Variants in SOX6 observed in about 807,000 individuals in gnomAD.
SOX6 encodes the protein transcription factor SOX-6.
A neutral mutation model predicts 97.8 loss-of-function variants in SOX6; 11 were observed. That is an observed-to-expected ratio of 0.11 (90% confidence interval 0.07 to 0.19). The LOEUF (loss-of-function observed/expected upper bound fraction) is 0.19. Among genes scored for constraint, SOX6 ranks in the 10% least tolerant of loss-of-function variants. SOX6 has a pLI of 1.00. For missense variants in SOX6, 810 were observed against 1,039.5 expected (o/e 0.78, Z 3.04); for synonymous variants, 360 against 371.4 (o/e 0.97, Z 0.35).
intron 9 of SOX6, among the ~76,000 whole-genome samples, chr11:16,070,778 G>T (rs534323008): frequency 2.1e-4 from 32 of 151,876 alleles, no homozygotes; most frequent in African/African-American, 7.5e-4. Flanking sequence ...GCCCCCTGGC[G>T]GGGGGGCACA....
chr11:16,704,436 A>G (rs1848116917), intron 3 of SOX6, among the ~76,000 whole-genome samples: 1 of 152,190 alleles, frequency 6.6e-6, no homozygotes, highest in South Asian at 2.1e-4. Flanking sequence ...AAAAGTATGT[A>G]ACCATTTATT....
chr11:16,014,665 T>C (rs539328130), intron 13 of SOX6, among the ~76,000 whole-genome samples: 1 of 152,110 alleles, frequency 6.6e-6, no homozygotes, highest in Non-Finnish European at 1.5e-5. Context: ...CATTGAAATG[T>C]AGAGGATCCT....
chr11:16,420,996 G>A (rs1859010165), intron 1 of SOX6, among the ~76,000 whole-genome samples: 1 of 152,144 alleles, frequency 6.6e-6, no homozygotes, highest in Admixed American at 6.5e-5. Flanking sequence ...GTTAGCAGAT[G>A]TCTTATTCAG....
chr11:16,439,328 T>C (rs1859453012), intron 1 of SOX6, among the ~76,000 whole-genome samples: 1 of 152,214 alleles, frequency 6.6e-6, no homozygotes, highest in Non-Finnish European at 1.5e-5. Context: ...TATTTCTATC[T>C]TCTATTTTAA....
chr11:15,986,461 C>A (rs1255401002), intron 14 of SOX6, 41 bp from the exon 15 acceptor site: 1 of 1,597,486 alleles, frequency 6.3e-7, no homozygotes, highest in Middle Eastern at 1.7e-4. Flanking sequence ...GTGGTCAAGG[C>A]AACATATTCT....
chr11:16,132,262 AGAAAGAAGGAAGGAAGGAAGGAAGGAAG>A lies in SOX6; in HGVS notation c.778-20367_778-20340del, dbSNP rs1320583001. Among the ~76,000 whole-genome samples, 89 of 113,556 alleles carry A rather than the reference AGAAAGAAGGAAGGAAGGAAGGAAGGAAG, an allele frequency of 7.8e-4. 3 individuals carry two copies. In the East Asian group the frequency reaches 0.012, roughly 16 times the overall value. The allele number at this position is 113,556 out of a possible 152,430, so 74.5% of individuals were successfully genotyped here. ...AAGAAAGAAAGGAAGGAAGAAAGAA[AGAAAGAAGGAAGGAAGGAAGGAAGGAAG>A]GAAGGAAGGAAGGAAGGAAGGAAGG... On this transcript the variant is annotated intron_variant, in intron 6 of 15. Transcript: ENST00000683767.
chr11:16,244,975 T>C (rs1286325778), intron 3 of SOX6, among the ~76,000 whole-genome samples: 1 of 151,738 alleles, frequency 6.6e-6, no homozygotes, highest in African/African-American at 2.4e-5. Flanking sequence ...TAGAATTGGT[T>C]TGCCTACCAA....
intron 4 of SOX6, among the ~76,000 whole-genome samples, chr11:16,482,149 A>C (rs763898115): frequency 6.6e-6 from 1 of 152,174 alleles, no homozygotes; most frequent in Non-Finnish European, 1.5e-5. Flanking sequence ...ATGTTTTAAT[A>C]GCCTTTTCAA....
At chr11:16,419,138 A>T (rs1858980496) in intron 1 of SOX6, among the ~76,000 whole-genome samples, 1 of 152,178 alleles carries the variant, frequency 6.6e-6, no homozygotes, top group African/African-American at 2.4e-5. Flanking sequence ...GAGTGTGGCA[A>T]CATTTTTTTC....
At chr11:16,558,264 T>G (rs2133189433) in intron 4 of SOX6, among the ~76,000 whole-genome samples, 1 of 152,068 alleles carries the variant, frequency 6.6e-6, no homozygotes, top group South Asian at 2.1e-4. Context: ...ACTCCCTGCC[T>G]TCATAAACCA....
chr11:16,458,825 C>A (rs1159667539), intron 1 of SOX6, among the ~76,000 whole-genome samples: 1 of 152,082 alleles, frequency 6.6e-6, no homozygotes, highest in East Asian at 1.9e-4. Flanking sequence ...CTACAATTGT[C>A]CCAGCTTACT....
intron 5 of SOX6, among the ~76,000 whole-genome samples, chr11:16,186,172 C>A (rs114838088): frequency 6.6e-6 from 1 of 152,104 alleles, no homozygotes; most frequent in Non-Finnish European, 1.5e-5. Flanking sequence ...CTTTTAGGAA[C>A]GATGTACTAA....
At chr11:16,251,926 AC>A (rs1349132029) in intron 3 of SOX6, among the ~76,000 whole-genome samples, 2 of 152,112 alleles carry the variant, frequency 1.3e-5, no homozygotes, top group Admixed American at 6.5e-5. Context: ...ATAAAAAATC[AC>A]ATAATTATAT....
At chr11:16,317,002 G>A (rs1353394566) in intron 3 of SOX6, 1 of 151,810 alleles carries the variant, frequency 6.6e-6, no homozygotes, top group Non-Finnish European at 1.5e-5. Context: ...TAGGTAAATA[G>A]GAGAAAATTA....
chr11:16,319,175 AT>A (rs1273878702), intron 2 of SOX6, among the ~76,000 whole-genome samples: 1 of 152,168 alleles, frequency 6.6e-6, no homozygotes, highest in African/African-American at 2.4e-5. Flanking sequence ...AAATACAGAA[AT>A]TATCTAAATC....
chr11:16,236,206 A>G (rs1248283361), intron 3 of SOX6, among the ~76,000 whole-genome samples: 1 of 152,020 alleles, frequency 6.6e-6, no homozygotes, highest in African/African-American at 2.4e-5. Context: ...TGATGTTCCA[A>G]TGGAGCCTAC....
chr11:16,660,979 T>A (rs906486369), intron 3 of SOX6, among the ~76,000 whole-genome samples: 1 of 152,240 alleles, frequency 6.6e-6, no homozygotes, highest in African/African-American at 2.4e-5. Flanking sequence ...CTGAGAGTGC[T>A]ATTCAGTTCA....
At chr11:16,159,568 G>C (rs1850689492) in intron 6 of SOX6, among the ~76,000 whole-genome samples, 1 of 152,054 alleles carries the variant, frequency 6.6e-6, no homozygotes, top group Admixed American at 6.6e-5. Flanking sequence ...CCTTTATGCA[G>C]TATTCTGAGT....
intron 3 of SOX6, among the ~76,000 whole-genome samples, chr11:16,249,227 A>G (rs1853436473): frequency 6.6e-6 from 1 of 152,170 alleles, no homozygotes; most frequent in Admixed American, 6.5e-5. Flanking sequence ...CAAATTTTCC[A>G]AACTTTTATG....
Sources: gnomAD v4.1 joint callset for allele counts (sites outside exome capture counted in the v4.1 genomes callset) on GRCh38, gnomAD v4.1.1 for gene constraint, MANE v1.5 for transcripts, NCBI Gene and HGNC (gene_info 2026-07-23, HGNC 2026-07-21) for gene names.